PLD1: variants seen among roughly 807,000 people sequenced by gnomAD.
PLD1 encodes the protein choline phosphatase 1.
A neutral mutation model predicts 137.1 loss-of-function variants in PLD1; 112 were observed. That is an observed-to-expected ratio of 0.82 (90% CI 0.70 to 0.96). PLD1 has a LOEUF of 0.96. PLD1 is among the 40% of genes least tolerant of loss of function. The pLI is 0.00. For synonymous variants in PLD1, 431 were observed against 454.7 expected (o/e 0.95, Z 0.66); for missense variants, 1,321 against 1,342.0 (o/e 0.98, Z 0.24).
At chr3:171,614,879 G>A (rs912380984) in intron 24 of PLD1, among the ~76,000 whole-genome samples, 13 of 152,130 alleles carry the variant, frequency 8.5e-5, no homozygotes, top group Non-Finnish European at 1.5e-4. Context: ...AGTGGGCCCC[G>A]ACACTCCCGA....
intron 1 of PLD1, among the ~76,000 whole-genome samples, chr3:171,780,416 T>G (rs571730348): frequency 8.7e-4 from 133 of 152,252 alleles, no homozygotes; most frequent in African/African-American, 3.1e-3. Flanking sequence ...GTAGTTAGCT[T>G]TAAGCAACAT....
At chr3:171,805,466 C>T (rs1044497096) in intron 1 of PLD1, among the ~76,000 whole-genome samples, 2 of 152,106 alleles carry the variant, frequency 1.3e-5, no homozygotes, top group African/African-American at 4.8e-5. Context: ...TTGCACATAA[C>T]ACCCAACCCC....
At chr3:171,606,126 G>A (rs1009189326) in intron 25 of PLD1, among the ~76,000 whole-genome samples, 1 of 152,210 alleles carries the variant, frequency 6.6e-6, no homozygotes, top group Non-Finnish European at 1.5e-5. Context: ...GGTGGCAGTG[G>A]AGATGAAGAT....
intron 24 of PLD1, among the ~76,000 whole-genome samples, chr3:171,615,716 T>G (rs1211656919): frequency 1.3e-5 from 2 of 152,254 alleles, no homozygotes; most frequent in Non-Finnish European, 2.9e-5. Context: ...TGTAATGCAT[T>G]TCTTTTCCTT....
intron 1 of PLD1, among the ~76,000 whole-genome samples, chr3:171,773,070 A>G (rs946295350): frequency 6.6e-6 from 1 of 152,332 alleles, no homozygotes; most frequent in South Asian, 2.1e-4. Context: ...TGTCTCCATC[A>G]GTCTGTATGT....
At chr3:171,790,602 GC>G (rs1233423294) in intron 1 of PLD1, among the ~76,000 whole-genome samples, 9 of 152,182 alleles carry the variant, frequency 5.9e-5, no homozygotes, top group Admixed American at 5.9e-4. Flanking sequence ...CTAAGCTCTG[GC>G]CAATGAGATG....
rs571528857 is a variant in PLD1 at position 171,612,164 on chromosome 3, C to A, written c.2882+115G>T. ...TACATATCCTATATTCTGGGACACA[C>A]TGTTTTAGATGAAGAAGAACCTAGG... On this transcript the variant is annotated intron_variant, in intron 25 of 26. Transcript: ENST00000351298. The surrounding 1 kb of genome is among the most constrained non-coding windows in gnomAD (Gnocchi z 4.1). The A allele has an allele frequency of 1.2e-6, 1 of 851,628 alleles. No homozygotes were observed. Among genetic ancestry groups the A allele is most frequent in the African/African-American group, 1.7e-5 (1 of 59,680 alleles). 52.8% of individuals were successfully genotyped at this position (851,628 alleles called of 1,614,324 possible). A position where few individuals can be genotyped will look rare whatever the true frequency, so the allele number is the denominator to read the frequency against.
chr3:171,636,772 A>T (rs565256187), intron 23 of PLD1, among the ~76,000 whole-genome samples: 1 of 152,104 alleles, frequency 6.6e-6, no homozygotes, highest in East Asian at 1.9e-4. Flanking sequence ...TTCTTGCTCA[A>T]CTGTTGTGGC....
At chr3:171,794,324 T>C (rs553493764) in intron 1 of PLD1, among the ~76,000 whole-genome samples, 1 of 152,292 alleles carries the variant, frequency 6.6e-6, no homozygotes, top group Admixed American at 6.5e-5. Flanking sequence ...TAGGTATGTA[T>C]GTATAGGGAA....
At chr3:171,769,842 G>A (rs13083025) in intron 1 of PLD1, among the ~76,000 whole-genome samples, 1 of 151,774 alleles carries the variant, frequency 6.6e-6, no homozygotes, top group Non-Finnish European at 1.5e-5. Flanking sequence ...ACTGTATTTC[G>A]CAGTGGGGAA....
chr3:171,632,086 A>G (rs1306311450), intron 23 of PLD1, among the ~76,000 whole-genome samples: 1 of 152,196 alleles, frequency 6.6e-6, no homozygotes, highest in African/African-American at 2.4e-5. Flanking sequence ...TAATATAACC[A>G]GTAAGGTTGT....
intron 6 of PLD1, among the ~76,000 whole-genome samples, chr3:171,729,270 G>T (rs1051091555): frequency 4.6e-5 from 7 of 152,232 alleles, no homozygotes; most frequent in Middle Eastern, 3.4e-3. Flanking sequence ...AAATAATGTT[G>T]CAATGCAATA....
intron 21 of PLD1, among the ~76,000 whole-genome samples, chr3:171,656,156 T>TTTTATTTA (rs142427730): frequency 0.044 from 6,345 of 145,366 alleles, 481 homozygotes; most frequent in African/African-American, 0.15. Flanking sequence ...AATACTATAA[T>TTTTATTTA]TTTATTTATT....
chr3:171,620,775 ATATTT>A (rs1269933330), intron 23 of PLD1, among the ~76,000 whole-genome samples: 3,161 of 136,766 alleles, frequency 0.023, 96 homozygotes, highest in African/African-American at 0.071. Context: ...TATATTATAT[ATATTT>A]TTTTTTTAAT....
At chr3:171,638,428 A>T (rs1735344953) in intron 23 of PLD1, among the ~76,000 whole-genome samples, 1 of 152,196 alleles carries the variant, frequency 6.6e-6, no homozygotes, top group African/African-American at 2.4e-5. Flanking sequence ...TTTCAGCTCC[A>T]TTATAATCTT....
Position 171,629,640 on chromosome 3 carries a change from G to C in PLD1, c.2594-9120C>G, listed in dbSNP as rs1302036494. 7.4e-5 allele frequency among the ~76,000 whole-genome samples: 11 copies of C among 149,622 alleles called. No individual in the cohort carries two copies. In the East Asian group the frequency reaches 2.2e-3, roughly 29 times the overall value. ...CTACAAGGCTACAGTAACCAAAACA[G>C]CATGGTACTGGTACCAAAACAGAGA... On this transcript the variant is annotated intron_variant, in intron 23 of 26. Coordinates refer to ENST00000351298, the MANE Select transcript of PLD1 (RefSeq NM_002662.5).
chr3:171,625,602 C>A (rs1262998148), intron 23 of PLD1, among the ~76,000 whole-genome samples: 1 of 152,220 alleles, frequency 6.6e-6, no homozygotes, highest in African/African-American at 2.4e-5. Context: ...AGGCACCCCC[C>A]CGTAGGTGCA....
At position 171,626,493 on chromosome 3, in the gene PLD1, T is replaced by C. The variant is rs1231883945; in HGVS notation, c.2594-5973A>G. ...CAGGCCAACATTCAGATTCAGGAAA[T>C]ACAGAGAACGCCACAAAGATACTCC... On this transcript the variant is annotated intron_variant, in intron 23 of 26. Coordinates refer to ENST00000351298, the MANE Select transcript of PLD1 (RefSeq NM_002662.5). Among the ~76,000 whole-genome samples, 6 of 152,130 alleles carry C rather than the reference T, an allele frequency of 3.9e-5. No individual in the cohort carries two copies. In the East Asian group the frequency reaches 1.2e-3, roughly 29 times the overall value.
At chr3:171,752,737 T>C (rs1720748191) in intron 1 of PLD1, among the ~76,000 whole-genome samples, 1 of 152,244 alleles carries the variant, frequency 6.6e-6, no homozygotes, top group South Asian at 2.1e-4. Flanking sequence ...GGGCAGTATT[T>C]TACTATATGT....
Sources: gnomAD v4.1 joint callset for allele counts (sites outside exome capture counted in the v4.1 genomes callset) on GRCh38, gnomAD v4.1.1 for gene constraint, Gnocchi (gnomAD v3.1) non-coding constraint, MANE v1.5 for transcripts, NCBI Gene and HGNC (gene_info 2026-07-23, HGNC 2026-07-21) for gene names.